Variants in GRM4 observed in about 807,000 individuals in gnomAD.
GRM4 encodes glutamate metabotropic receptor 4.
In GRM4, 28 loss-of-function variants were observed where a neutral mutation model predicts 81.7. That is an observed-to-expected ratio of 0.34 (90% CI 0.25 to 0.47). GRM4 has a LOEUF of 0.47. Among genes scored for constraint, GRM4 ranks in the 20% least tolerant of loss-of-function variants. The pLI is 1.00. For missense variants in GRM4, 948 were observed against 1,290.0 expected, an observed-to-expected ratio of 0.73 and a Z score of 4.06; for synonymous variants, 488 against 528.8, an observed-to-expected ratio of 0.92 and a Z score of 1.06.
rs1215175789 is a variant in GRM4, at chr6:34,117,533, C to T, written c.519+15445G>A. 5.9e-5 allele frequency among the ~76,000 whole-genome samples: 9 copies of T among 152,300 alleles called. No homozygotes were observed. The East Asian group carries it at 1.4e-3, about 23-fold the overall frequency. On this transcript the variant is annotated intron_variant, in intron 2 of 10. Transcript: ENST00000538487. ...TCAGCTGCCACACTGGATTTAAATCCCTGAGTTGAATTTCCGGGGTTTAGG... is the reference window on the plus strand; with the variant it reads ...TCAGCTGCCACACTGGATTTAAATCTCTGAGTTGAATTTCCGGGGTTTAGG...
At chr6:34,085,326 G>T (rs931038943) in intron 3 of GRM4, among the ~76,000 whole-genome samples, 6 of 152,214 alleles carry the variant, frequency 3.9e-5, no homozygotes, top group Non-Finnish European at 5.9e-5. Context: ...AGTGAGGAAT[G>T]GCAGGAGGCG....
In GRM4 at chr6:34,111,114, T is replaced by TACACACACACACACAC. The variant is rs56326901; in HGVS notation, c.520-19031_520-19016dup. ...GAGGAGGAGACACACACAGGCCACA[T>TACACACACACACACAC]ACACACACACACACACACACACACA... is the stretch of plus-strand genomic sequence containing the variant. On this transcript the variant is annotated intron_variant, in intron 2 of 10. Coordinates refer to ENST00000538487, the MANE Select transcript of GRM4 (RefSeq NM_000841.4). This position sits in a 1 kb window ranked among gnomAD's most constrained non-coding sequence, Gnocchi z 5.1. 8 of 143,974 alleles carry TACACACACACACACAC rather than the reference T, an allele frequency of 5.6e-5. No individual in the cohort carries two copies. Among genetic ancestry groups the TACACACACACACACAC allele is most frequent in the African/African-American group, 1.9e-4 (7 of 36,616 alleles). The allele number at this position is 143,974 out of a possible 1,614,324, so 8.9% of individuals were successfully genotyped here. A position where few individuals can be genotyped will look rare whatever the true frequency, so the allele number is the denominator to read the frequency against.
At chr6:34,025,752 T>C (rs1042086012) in intron 10 of GRM4, among the ~76,000 whole-genome samples, 2 of 152,212 alleles carry the variant, frequency 1.3e-5, no homozygotes, top group African/African-American at 4.8e-5. Context: ...ACACCTGCCA[T>C]GTGGCCCTTC....
chr6:34,086,947 C>A (rs1022036087), intron 3 of GRM4, among the ~76,000 whole-genome samples: 6 of 152,128 alleles, frequency 3.9e-5, no homozygotes, highest in Non-Finnish European at 7.4e-5. Flanking sequence ...CATGGTGAGA[C>A]CCCATCCCTA....
rs1581706173 is a variant in GRM4, at chr6:34,108,749, C to G, written c.520-16650G>C. Among the ~76,000 whole-genome samples the G allele has an allele frequency of 2.0e-5, 3 of 152,278 alleles. No individual in the cohort carries two copies. In the South Asian group the frequency reaches 6.2e-4, roughly 32 times the overall value. ...CCAGGTGCTGGGAGGTGGCAGAGAA[C>G]AGGGCAGCCCCCGCCCTGTATTGAG... On this transcript the variant is annotated intron_variant, in intron 2 of 10. Transcript: ENST00000538487.
intron 3 of GRM4, among the ~76,000 whole-genome samples, chr6:34,066,688 A>C (rs1766483864): frequency 6.6e-6 from 1 of 152,012 alleles, no homozygotes; most frequent in South Asian, 2.1e-4. Context: ...TCAAGGGAGA[A>C]GAGAGGAACA....
In GRM4 at chr6:34,019,446, A is replaced by T. The variant is rs1425243522; in HGVS notation, c.*3375T>A. ...CAAAGTCTGGTGCCACTCTTGGCCC[A>T]CTTGACTGCACGGCCCATCTGCTGG... On this transcript the variant is annotated 3_prime_UTR_variant, in exon 11 of 11. Transcript: ENST00000538487. 1.3e-5 allele frequency: 2 copies of T among 152,100 alleles called. No individual in the cohort carries two copies. The highest frequency in any genetic ancestry group is 2.9e-5 in the Non-Finnish European group (2 of 68,054). 9.4% of individuals were successfully genotyped at this position (152,100 alleles called of 1,614,324 possible).
rs73410897 is a variant in GRM4 at position 34,068,692 on chromosome 6, G to A, written c.737-6664C>T. Among the ~76,000 whole-genome samples, 26,503 of 152,168 alleles carry A rather than the reference G, an allele frequency of 0.17. 3,358 individuals carry two copies. Among genetic ancestry groups the A allele is most frequent in the African/African-American group, 0.34 (14,218 of 41,472 alleles). On this transcript the variant is annotated intron_variant, in intron 3 of 10. Coordinates refer to ENST00000538487, the MANE Select transcript of GRM4 (RefSeq NM_000841.4). The surrounding 1 kb of genome is among the most constrained non-coding windows in gnomAD (Gnocchi z 4.2). Reference sequence around the variant, plus strand: ...GGCGGGCTGAAAGGAAAGGCCTCCCGTAAGAGGAGCCGGCTTGTGCCCTGC... The same window carrying A: ...GGCGGGCTGAAAGGAAAGGCCTCCCATAAGAGGAGCCGGCTTGTGCCCTGC...
intron 2 of GRM4, among the ~76,000 whole-genome samples, chr6:34,098,535 C>T (rs897320563): frequency 6.6e-6 from 1 of 152,222 alleles, no homozygotes; most frequent in Non-Finnish European, 1.5e-5. Context: ...CTTTAAGATC[C>T]CCACCTGCCT....
intron 10 of GRM4, among the ~76,000 whole-genome samples, chr6:34,025,009 G>A (rs1263150338): frequency 6.6e-6 from 1 of 152,278 alleles, no homozygotes; most frequent in Admixed American, 6.5e-5. Flanking sequence ...GGGATGGCAG[G>A]TGCTGAGAGG....
rs889307652 is a variant in GRM4 at position 34,047,937 on chromosome 6, C to A, written c.1169-7189G>T. ...TTTTGAAGGAAACCATTCTTGCAAACCCTCAAGAATATGACCCCAGCAAAA... is the reference window on the plus strand; with the variant it reads ...TTTTGAAGGAAACCATTCTTGCAAAACCTCAAGAATATGACCCCAGCAAAA... On this transcript the variant is annotated intron_variant, in intron 6 of 10. Coordinates refer to ENST00000538487, the MANE Select transcript of GRM4 (RefSeq NM_000841.4). The surrounding 1 kb of genome is among the most constrained non-coding windows in gnomAD (Gnocchi z 4.5). 1.3e-5 allele frequency among the ~76,000 whole-genome samples: 2 copies of A among 152,120 alleles called. No homozygotes were observed. Among genetic ancestry groups the A allele is most frequent in the African/African-American group, 4.8e-5 (2 of 41,426 alleles).
chr6:34,128,768 G>A (rs1770125053), intron 2 of GRM4, among the ~76,000 whole-genome samples: 1 of 152,192 alleles, frequency 6.6e-6, no homozygotes. Flanking sequence ...GCAGAGAAGG[G>A]TTAAGCAGTT....
intron 2 of GRM4, chr6:34,110,986 A>T: frequency 1.9e-6 from 1 of 526,600 alleles, no homozygotes; most frequent in East Asian, 5.3e-5. Flanking sequence ...CCAAGCGGAG[A>T]CAGGGCTCCC....
chr6:34,096,165 A>G (rs1440768049), intron 2 of GRM4, among the ~76,000 whole-genome samples: 1 of 152,148 alleles, frequency 6.6e-6, no homozygotes, highest in African/African-American at 2.4e-5. Flanking sequence ...CTGGGGACAC[A>G]GCACCTTGTG....
intron 2 of GRM4, among the ~76,000 whole-genome samples, chr6:34,107,039 C>T (rs974978750): frequency 6.6e-6 from 1 of 152,220 alleles, no homozygotes; most frequent in African/African-American, 2.4e-5. Context: ...TGGAGGCTGG[C>T]CCCTCCCTCT....
In GRM4 at chr6:34,114,379, C is replaced by T. The variant is rs894448095; in HGVS notation, c.519+18599G>A. On this transcript the variant is annotated intron_variant, in intron 2 of 10. Coordinates refer to ENST00000538487, the MANE Select transcript of GRM4 (RefSeq NM_000841.4). This position sits in a 1 kb window ranked among gnomAD's most constrained non-coding sequence, Gnocchi z 4.3. ...TGTCACTATGCATAAGGCCATCATC[C>T]GGGCCACCATCACCTCCAGGCTGAA... 2.0e-5 allele frequency among the ~76,000 whole-genome samples: 3 copies of T among 152,154 alleles called. No individual in the cohort carries two copies. The highest frequency in any genetic ancestry group is 1.9e-4 in the East Asian group (1 of 5,190).
intron 3 of GRM4, among the ~76,000 whole-genome samples, chr6:34,071,464 G>A (rs1275938089): frequency 2.6e-4 from 23 of 88,504 alleles, no homozygotes; most frequent in African/African-American, 3.4e-4. Context: ...TCACCACAGA[G>A]ATACACACCA....
In GRM4 at chr6:34,022,764, G is replaced by A. The variant is rs1763942053; in HGVS notation, c.*57C>T. On this transcript the variant is annotated 3_prime_UTR_variant, in exon 11 of 11. Coordinates refer to ENST00000538487, the MANE Select transcript of GRM4 (RefSeq NM_000841.4). The surrounding 1 kb of genome is among the most constrained non-coding windows in gnomAD (Gnocchi z 5.6). Reference sequence around the variant, plus strand: ...GGGCCCTTGGGTGTGGCCCTGGCCCGACGCACCTTCCACAGGGTCACGGCT... The same window carrying A: ...GGGCCCTTGGGTGTGGCCCTGGCCCAACGCACCTTCCACAGGGTCACGGCT... 2.0e-6 allele frequency: 3 copies of A among 1,493,030 alleles called. No individual in the cohort carries two copies. Among genetic ancestry groups the A allele is most frequent in the Admixed American group, 1.7e-5 (1 of 59,826 alleles). 92.5% of individuals were successfully genotyped at this position (1,493,030 alleles called of 1,614,324 possible).
Position 34,058,181 on chromosome 6 carries a change from C to G in GRM4, c.1027+793G>C, listed in dbSNP as rs112702478. 5.8e-3 allele frequency among the ~76,000 whole-genome samples: 876 copies of G among 152,056 alleles called. 7 individuals carry two copies. Among genetic ancestry groups the G allele is most frequent in the African/African-American group, 0.018 (755 of 41,448 alleles). ...CTGGGCCTGTAGGCAGACGTAGACC[C>G]GGGGGGCAGGTTTGGATGACATGGT... On this transcript the variant is annotated intron_variant, in intron 5 of 10. Coordinates refer to ENST00000538487, the MANE Select transcript of GRM4 (RefSeq NM_000841.4).
Sources: allele counts gnomAD v4.1 joint callset (sites outside exome capture counted in the v4.1 genomes callset), GRCh38; gene constraint gnomAD v4.1.1; non-coding constraint Gnocchi (gnomAD v3.1); transcripts MANE v1.5; gene names NCBI Gene and HGNC (gene_info 2026-07-23, HGNC 2026-07-21).